LRRC37A2: variants seen among roughly 807,000 people sequenced by gnomAD.
The protein encoded by LRRC37A2 is leucine-rich repeat-containing protein 37A2.
In LRRC37A2, 9 loss-of-function variants were observed where a neutral mutation model predicts 68.8. The ratio of observed to expected loss-of-function variants is 0.13; its 90% CI spans 0.08 to 0.23. LRRC37A2 has a LOEUF of 0.23. Ranked by LOEUF, LRRC37A2 falls within the 10% of genes least tolerant of loss-of-function variation. The pLI is 1.00. For missense variants in LRRC37A2, 168 were observed against 950.4 expected, an observed-to-expected ratio of 0.18 and a Z score of 10.82; for synonymous variants, 63 against 367.6, an observed-to-expected ratio of 0.17 and a Z score of 9.48.
chr17:46,799,501 G>A, the LRRC37A2 span, among the ~76,000 whole-genome samples: 1 of 146,824 alleles, frequency 6.8e-6, no homozygotes, highest in East Asian at 2.0e-4. Context: ...AGGCTGGAGT[G>A]CAGTGGTGTC....
chr17:46,920,203 C>T, the LRRC37A2 span, among the ~76,000 whole-genome samples: 1 of 152,178 alleles, frequency 6.6e-6, no homozygotes, highest in Non-Finnish European at 1.5e-5. Flanking sequence ...TCTTGAAGGT[C>T]TTATTCATAT....
chr17:46,959,382 G>A, the LRRC37A2 span, among the ~76,000 whole-genome samples: 3 of 152,128 alleles, frequency 2.0e-5, no homozygotes, highest in Non-Finnish European at 4.4e-5. Context: ...TTTTTGTCTG[G>A]TAGTCCTCAA....
chr17:46,816,444 C>T, the LRRC37A2 span, among the ~76,000 whole-genome samples: 2 of 146,328 alleles, frequency 1.4e-5, no homozygotes, highest in South Asian at 4.4e-4. Context: ...GTATAGAAAA[C>T]ACCTCTTAGG....
the LRRC37A2 span, among the ~76,000 whole-genome samples, chr17:47,000,077 AAAATAAAATAAAAT>A: frequency 5.9e-3 from 30 of 5,118 alleles, 3 homozygotes; most frequent in African/African-American, 9.9e-3. Flanking sequence ...AATAAAATAA[AAAATAAAATAAAAT>A]AAAATAAAAT....
the LRRC37A2 span, among the ~76,000 whole-genome samples, chr17:46,730,052 A>T: frequency 1.6e-3 from 243 of 152,270 alleles, 1 homozygote; most frequent in African/African-American, 5.6e-3. Flanking sequence ...TGATTCCTGC[A>T]ATATTTTCTT....
the LRRC37A2 span, among the ~76,000 whole-genome samples, chr17:46,767,951 G>A: frequency 6.6e-5 from 10 of 152,236 alleles, no homozygotes; most frequent in African/African-American, 2.4e-4. Context: ...ACAACGCCCG[G>A]CTAATTTTTG....
chr17:46,778,872 T>G, the LRRC37A2 span, among the ~76,000 whole-genome samples: 2 of 152,148 alleles, frequency 1.3e-5, no homozygotes, highest in Non-Finnish European at 2.9e-5. Context: ...AAGCCTTCTG[T>G]GAGCTCCAGA....
the LRRC37A2 span, among the ~76,000 whole-genome samples, chr17:46,498,896 C>T: frequency 1.3e-5 from 2 of 150,590 alleles, no homozygotes; most frequent in African/African-American, 2.5e-5. Flanking sequence ...TATATATCTA[C>T]ATATATATAC....
At chr17:47,015,953 T>TA in the LRRC37A2 span, among the ~76,000 whole-genome samples, 1 of 152,088 alleles carries the variant, frequency 6.6e-6, no homozygotes, top group Non-Finnish European at 1.5e-5. Flanking sequence ...TATTTTATTT[T>TA]ATTTTTTTGA....
chr17:46,749,999 T>C, the LRRC37A2 span: 1 of 1,390,084 alleles, frequency 7.2e-7, no homozygotes, highest in Non-Finnish European at 9.9e-7. Flanking sequence ...GTTTGGTTTT[T>C]ATGCTAATCT....
chr17:47,038,093 C>G, the LRRC37A2 span, among the ~76,000 whole-genome samples: 2 of 152,192 alleles, frequency 1.3e-5, no homozygotes, highest in African/African-American at 4.8e-5. Context: ...TGCTTGACCC[C>G]AGGAGTTCGA....
chr17:46,915,754 CCT>C, the LRRC37A2 span, among the ~76,000 whole-genome samples: 1 of 152,200 alleles, frequency 6.6e-6, no homozygotes, highest in Non-Finnish European at 1.5e-5. Flanking sequence ...GGCCAAATGC[CCT>C]GAGGCGGTTC....
chr17:46,737,201 AC>A, the LRRC37A2 span, among the ~76,000 whole-genome samples: 1 of 152,234 alleles, frequency 6.6e-6, no homozygotes, highest in Non-Finnish European at 1.5e-5. Flanking sequence ...AAGTTTGTGC[AC>A]AAGGTGGGCA....
the LRRC37A2 span, chr17:47,019,037 T>C: frequency 6.9e-7 from 1 of 1,441,442 alleles, no homozygotes. Context: ...ACCTGGGACT[T>C]ACCATCACTC....
At chr17:46,657,362 A>G in the LRRC37A2 span, among the ~76,000 whole-genome samples, 1 of 152,096 alleles carries the variant, frequency 6.6e-6, no homozygotes, top group Non-Finnish European at 1.5e-5. Context: ...TATAAAAAAT[A>G]TAATGGTTTC....
the LRRC37A2 span, chr17:46,941,088 G>A: frequency 1.9e-6 from 2 of 1,051,688 alleles, no homozygotes; most frequent in East Asian, 7.5e-5. Flanking sequence ...CATGAGTTTG[G>A]TGTGCCTATT....
At chr17:46,498,352 TAA>T in the LRRC37A2 span, among the ~76,000 whole-genome samples, 4 of 150,792 alleles carry the variant, frequency 2.7e-5, no homozygotes, top group African/African-American at 1.0e-4. Context: ...AAAGGAGTTA[TAA>T]AAGTTTAGGT....
chr17:46,736,108 A>G, the LRRC37A2 span, among the ~76,000 whole-genome samples: 1 of 152,206 alleles, frequency 6.6e-6, no homozygotes, highest in African/African-American at 2.4e-5. Context: ...CATTTGCAGT[A>G]CTGGGAAAAG....
the LRRC37A2 span, among the ~76,000 whole-genome samples, chr17:46,737,010 A>G: frequency 6.6e-6 from 1 of 152,248 alleles, no homozygotes; most frequent in South Asian, 2.1e-4. Flanking sequence ...GGAGATCGGA[A>G]GTTTCTTTTT....
Sources: allele counts gnomAD v4.1 joint callset (sites outside exome capture counted in the v4.1 genomes callset), GRCh38; gene constraint gnomAD v4.1.1; transcripts MANE v1.5; gene names NCBI Gene and HGNC (gene_info 2026-07-23, HGNC 2026-07-21).